Variants in ELAVL4 observed in about 807,000 individuals in gnomAD.
ELAVL4 encodes the protein ELAV like RNA binding protein 4.
In ELAVL4, 1 loss-of-function variant was observed where a neutral mutation model predicts 35.6. The ratio of observed to expected loss-of-function variants is 0.03; its 90% confidence interval spans 0.01 to 0.13. ELAVL4 has a LOEUF of 0.13. Among genes scored for constraint, ELAVL4 ranks in the 10% least tolerant of loss-of-function variants. ELAVL4 has a pLI of 1.00. For missense variants in ELAVL4, 267 were observed against 464.9 expected, an observed-to-expected ratio of 0.57 and a Z score of 3.91; for synonymous variants, 156 against 171.0, an observed-to-expected ratio of 0.91 and a Z score of 0.69.
At chr1:50,149,820 G>A (rs755093086) in intron 2 of ELAVL4, among the ~76,000 whole-genome samples, 3 of 152,110 alleles carry the variant, frequency 2.0e-5, no homozygotes, top group Non-Finnish European at 2.9e-5. Context: ...GGGATTACAG[G>A]CATGAGCCAC....
At chr1:50,194,659 A>G (rs1643913521) in intron 4 of ELAVL4, among the ~76,000 whole-genome samples, 1 of 152,184 alleles carries the variant, frequency 6.6e-6, no homozygotes, top group Non-Finnish European at 1.5e-5. Flanking sequence ...AGAAAGAAGC[A>G]GGCACTGCCC....
intron 1 of ELAVL4, among the ~76,000 whole-genome samples, chr1:50,084,988 TTCTC>T (rs1479958304): frequency 6.6e-6 from 1 of 152,206 alleles, no homozygotes; most frequent in Non-Finnish European, 1.5e-5. Flanking sequence ...ATAAAACACT[TTCTC>T]TATCATTATG....
intron 1 of ELAVL4, chr1:50,144,481 C>T (rs190222145): frequency 1.4e-5 from 6 of 430,406 alleles, no homozygotes; most frequent in Admixed American, 3.0e-5. Flanking sequence ...TATTGAACAA[C>T]CCCACTTAAT....
intron 3 of ELAVL4, chr1:50,180,503 A>C (rs1680854753): frequency 2.0e-5 from 3 of 152,198 alleles, no homozygotes; most frequent in Admixed American, 2.0e-4. Flanking sequence ...GCAGTGTTAC[A>C]TGACTCTGTG....
chr1:50,183,168 C>A (rs2148849865), intron 3 of ELAVL4, among the ~76,000 whole-genome samples: 1 of 152,204 alleles, frequency 6.6e-6, no homozygotes, highest in Admixed American at 6.5e-5. Context: ...GATTTCCATC[C>A]TTTTTTTATT....
intron 1 of ELAVL4, among the ~76,000 whole-genome samples, chr1:50,086,071 C>CT (rs960043665): frequency 8.6e-5 from 13 of 151,256 alleles, no homozygotes; most frequent in South Asian, 2.1e-4. Context: ...AAGCAGTGAT[C>CT]TTTTTTTTTG....
intron 1 of ELAVL4, among the ~76,000 whole-genome samples, chr1:50,110,284 C>A (rs1013553511): frequency 6.6e-6 from 1 of 152,056 alleles, no homozygotes; most frequent in Non-Finnish European, 1.5e-5. Flanking sequence ...GCGTGTCCAC[C>A]GCCTCTGTGA....
At chr1:50,145,518 C>T (rs1235381826) in intron 2 of ELAVL4, among the ~76,000 whole-genome samples, 2 of 152,154 alleles carry the variant, frequency 1.3e-5, no homozygotes, top group African/African-American at 4.8e-5. Flanking sequence ...CCTCCCTATA[C>T]TATACACTAG....
At chr1:50,125,693 T>C (rs1174379722) in intron 1 of ELAVL4, among the ~76,000 whole-genome samples, 1 of 152,078 alleles carries the variant, frequency 6.6e-6, no homozygotes, top group Non-Finnish European at 1.5e-5. Context: ...ATCATTCAAC[T>C]AAGAACAGGG....
chr1:50,091,100 G>C (rs1364767878), intron 1 of ELAVL4, among the ~76,000 whole-genome samples: 1 of 152,164 alleles, frequency 6.6e-6, no homozygotes, highest in Non-Finnish European at 1.5e-5. Flanking sequence ...AAGGGAATTG[G>C]AGCTGAATTA....
At chr1:50,141,641 C>G (rs1275316968) in intron 1 of ELAVL4, 1 of 152,394 alleles carries the variant, frequency 6.6e-6, no homozygotes, top group Non-Finnish European at 1.5e-5. Flanking sequence ...TGATTCTTTT[C>G]CTGGACCCTT....
rs373228011 is a variant in ELAVL4 at position 50,079,654 on chromosome 1, A to G, written c.18+31472A>G. Reference sequence around the variant, plus strand: ...TGTTTCAGAGGAGGACTTGGAAGGCATCACAGCCTCCCAGTAACCCAAGAA... The same window carrying G: ...TGTTTCAGAGGAGGACTTGGAAGGCGTCACAGCCTCCCAGTAACCCAAGAA... On this transcript the variant is annotated intron_variant, in intron 1 of 6. Transcript: ENST00000448907. 1.1e-4 allele frequency among the ~76,000 whole-genome samples: 17 copies of G among 152,328 alleles called. No homozygotes were observed. In the East Asian group the frequency reaches 2.9e-3, roughly 26 times the overall value.
chr1:50,191,031 T>C (rs2148872334), intron 3 of ELAVL4, among the ~76,000 whole-genome samples: 2 of 152,334 alleles, frequency 1.3e-5, no homozygotes, highest in African/African-American at 4.8e-5. Flanking sequence ...GTCACACTCA[T>C]ATGTATCCCT....
intron 1 of ELAVL4, among the ~76,000 whole-genome samples, chr1:50,058,417 G>C (rs1325994375): frequency 1.3e-5 from 2 of 152,104 alleles, no homozygotes; most frequent in Non-Finnish European, 2.9e-5. Context: ...GGGAAATTTT[G>C]AAAGGGGCAG....
chr1:50,072,168 G>C (rs1664559669), intron 1 of ELAVL4, among the ~76,000 whole-genome samples: 1 of 152,134 alleles, frequency 6.6e-6, no homozygotes, highest in Admixed American at 6.5e-5. Flanking sequence ...CTAGACTCTA[G>C]AGTCAAGACA....
rs547347731 is a variant in ELAVL4 at position 50,131,138 on chromosome 1, A to G, written c.10-13819A>G. Among the ~76,000 whole-genome samples the G allele has an allele frequency of 7.2e-5, 11 of 152,290 alleles. No individual in the cohort carries two copies. The South Asian group carries it at 1.9e-3, about 26-fold the overall frequency. ...AAAATACATGTATTATATCCATTTG[A>G]TAAATATACATGATAATATACATGT... On this transcript the variant is annotated intron_variant, in intron 1 of 6. Transcript: ENST00000371824.
At chr1:50,153,159 G>A (rs1412703813) in intron 2 of ELAVL4, among the ~76,000 whole-genome samples, 1 of 152,206 alleles carries the variant, frequency 6.6e-6, no homozygotes, top group Non-Finnish European at 1.5e-5. Context: ...GTGGGCGGGG[G>A]CAAGAGGGAA....
intron 1 of ELAVL4, among the ~76,000 whole-genome samples, chr1:50,066,362 T>A (rs1664266738): frequency 6.6e-6 from 1 of 152,186 alleles, no homozygotes; most frequent in Non-Finnish European, 1.5e-5. Context: ...TCGCTAACAT[T>A]TGAATAGTAA....
intron 1 of ELAVL4, among the ~76,000 whole-genome samples, chr1:50,048,769 C>G (rs1276751504): frequency 6.6e-6 from 1 of 152,148 alleles, no homozygotes; most frequent in Non-Finnish European, 1.5e-5. Flanking sequence ...TTGGGTATTT[C>G]TAGACGAGAT....
Sources: allele counts gnomAD v4.1 joint callset (sites outside exome capture counted in the v4.1 genomes callset), GRCh38; gene constraint gnomAD v4.1.1; transcripts MANE v1.5; gene names NCBI Gene and HGNC (gene_info 2026-07-23, HGNC 2026-07-21).